Variants in FAM135B observed in about 807,000 individuals in gnomAD.
FAM135B encodes the protein family with sequence similarity 135 member B, also known as protein FAM135B.
A neutral mutation model predicts 127.7 loss-of-function variants in FAM135B; 43 were observed. The observed-to-expected ratio is 0.34, with a 90% CI of 0.26 to 0.43. FAM135B has a LOEUF of 0.43. Ranked by LOEUF, FAM135B falls within the 20% of genes least tolerant of loss-of-function variation. The pLI, the probability that FAM135B is intolerant of heterozygous loss-of-function variation, is 1.00. For synonymous variants in FAM135B, 670 were observed against 665.1 expected (o/e 1.01, Z -0.11); for missense variants, 1,558 against 1,725.6 (o/e 0.90, Z 1.72).
At chr8:138,329,221 G>A (rs879643650) in intron 2 of FAM135B, among the ~76,000 whole-genome samples, 5 of 152,152 alleles carry the variant, frequency 3.3e-5, no homozygotes, top group Non-Finnish European at 7.3e-5. Context: ...TGGAGAGAGA[G>A]AGACGATAGA....
rs543824232 is a variant in FAM135B at position 138,197,614 on chromosome 8, C to T, written c.725G>A (p.Arg242Gln). ...GTGGAGGAGCAACAGGCACAGGTCT[C>T]GGTGCCACTTGTGTGCGTGCTGCAT... ...NCMQHAHKWH[R>Q]DLCLLLLHAY... is the part of the protein sequence containing the mutation. The change falls in exon 8 of 20, where the codon CGA becomes CAA. Residue 242 changes from arginine (R) to glutamine (Q), a missense_variant. Arg to Gln is a conservative substitution (Grantham distance 43). Transcript: ENST00000395297. 19 of 1,614,160 alleles carry T rather than the reference C, an allele frequency of 1.2e-5. 1 individual carries two copies. The South Asian group carries it at 1.8e-4, about 15-fold the overall frequency.
chr8:138,182,350 G>T (rs913036661), intron 9 of FAM135B, among the ~76,000 whole-genome samples: 3 of 152,164 alleles, frequency 2.0e-5, no homozygotes, highest in African/African-American at 7.2e-5. Context: ...GACCGAGGAG[G>T]CCCTTTACAC....
chr8:138,251,085 A>T (rs4909765), intron 5 of FAM135B, 71 bp from the exon 6 acceptor site: 495,234 of 1,566,902 alleles, frequency 0.32, 82,438 homozygotes, highest in East Asian at 0.62. Flanking sequence ...GCATGTCTGT[A>T]TTAAGCCTCT....
rs149326850 is a variant in FAM135B, at chr8:138,148,939, T to C, written c.3282-253A>G. The C allele has an allele frequency of 4.6e-3, 611 of 133,060 alleles. 4 individuals are homozygous for C. The highest frequency in any genetic ancestry group is 0.018 in the African/African-American group (581 of 33,106). The allele number at this position is 133,060 out of a possible 1,614,324, so 8.2% of individuals were successfully genotyped here. On this transcript the variant is annotated intron_variant, in intron 13 of 19. Coordinates refer to ENST00000395297, the MANE Select transcript of FAM135B (RefSeq NM_015912.4). ...GGTGGGAATTGAACAATGAGAACAC[T>C]TGGACACAGGAAGGGGAACATCGCA...
intron 19 of FAM135B, among the ~76,000 whole-genome samples, chr8:138,135,457 T>A (rs1816570403): frequency 6.6e-6 from 1 of 152,028 alleles, no homozygotes; most frequent in South Asian, 2.1e-4. Context: ...AAAATATACA[T>A]AAAAAAGCAT....
intron 2 of FAM135B, among the ~76,000 whole-genome samples, chr8:138,311,858 T>C (rs536642617): frequency 2.0e-5 from 3 of 152,280 alleles, no homozygotes; most frequent in African/African-American, 7.2e-5. Context: ...TGGCGCTGGA[T>C]TCATAGCTGC....
chr8:138,182,598 T>C (rs1235487988), intron 9 of FAM135B, among the ~76,000 whole-genome samples: 2 of 152,208 alleles, frequency 1.3e-5, no homozygotes, highest in Non-Finnish European at 2.9e-5. Context: ...TATGATCGTG[T>C]TATAGCTATT....
intron 3 of FAM135B, among the ~76,000 whole-genome samples, chr8:138,283,557 C>T (rs986225436): frequency 4.6e-5 from 7 of 152,052 alleles, no homozygotes; most frequent in African/African-American, 1.7e-4. Context: ...CATATTTGTG[C>T]AAACCCACAG....
At chr8:138,192,584 AGATTGATAAACTCGCTCATCTGGTCTTG>A (rs56059565) in intron 9 of FAM135B, among the ~76,000 whole-genome samples, 75,319 of 151,946 alleles carry the variant, frequency 0.5, 18,861 homozygotes, top group Non-Finnish European at 0.52. Flanking sequence ...GGTATCACCC[AGATTGATAAACTCGCTCATCTGGTCTTG>A]TGGCCCTCAC....
intron 1 of FAM135B, among the ~76,000 whole-genome samples, chr8:138,481,073 A>G (rs1233800996): frequency 6.6e-6 from 1 of 152,206 alleles, no homozygotes; most frequent in African/African-American, 2.4e-5. Context: ...TCTCCCTGTT[A>G]AAAGAATTTA....
intron 1 of FAM135B, among the ~76,000 whole-genome samples, chr8:138,373,433 C>T (rs1037188029): frequency 2.0e-5 from 3 of 150,470 alleles, no homozygotes; most frequent in Admixed American, 6.7e-5. Context: ...CCTGTCATCT[C>T]GTAAGCCGAG....
intron 1 of FAM135B, chr8:138,438,493 A>G (rs981291474): frequency 1.3e-5 from 2 of 152,232 alleles, no homozygotes; most frequent in African/African-American, 4.8e-5. Flanking sequence ...TATCAAAGAA[A>G]AAAACAGAGC....
intron 2 of FAM135B, among the ~76,000 whole-genome samples, chr8:138,324,280 C>G (rs1241279328): frequency 6.6e-6 from 1 of 152,216 alleles, no homozygotes; most frequent in Admixed American, 6.5e-5. Context: ...CCTGCAGTCA[C>G]ATGACTCCTA....
chr8:138,486,355 G>A (rs972995146), intron 1 of FAM135B, among the ~76,000 whole-genome samples: 6 of 152,096 alleles, frequency 3.9e-5, no homozygotes, highest in Non-Finnish European at 7.4e-5. Context: ...GAGCCCTGGG[G>A]AATGTGTGTG....
intron 1 of FAM135B, among the ~76,000 whole-genome samples, chr8:138,462,002 C>T (rs998596495): frequency 6.6e-6 from 1 of 151,714 alleles, no homozygotes; most frequent in African/African-American, 2.4e-5. Context: ...ACTCTATGAC[C>T]AGCTGAATCA....
At position 138,309,858 on chromosome 8, in the gene FAM135B, C is replaced by CTTTTTTTTTTTT. The variant is rs145453026; in HGVS notation, c.157+971_157+982dup. ...CTACCCTACTCTTTAAGTCTTTCTA[C>CTTTTTTTTTTTT]TTTTTTTTTTTTTTTTTTTTTTTTG... On this transcript the variant is annotated intron_variant, in intron 3 of 19. Coordinates refer to ENST00000395297, the MANE Select transcript of FAM135B (RefSeq NM_015912.4). 1.5e-4 allele frequency among the ~76,000 whole-genome samples: 13 copies of CTTTTTTTTTTTT among 86,756 alleles called. 1 individual carries two copies. The highest frequency in any genetic ancestry group is 6.8e-4 in the East Asian group (2 of 2,936). 56.9% of individuals were successfully genotyped at this position (86,756 alleles called of 152,430 possible). A position where few individuals can be genotyped will look rare whatever the true frequency, so the allele number is the denominator to read the frequency against.
intron 12 of FAM135B, among the ~76,000 whole-genome samples, chr8:138,154,453 G>C (rs1818500064): frequency 6.6e-6 from 1 of 152,186 alleles, no homozygotes; most frequent in African/African-American, 2.4e-5. Context: ...TTGAGGAGTT[G>C]ACGGAAGTAC....
At chr8:138,445,516 T>C (rs978479563) in intron 1 of FAM135B, among the ~76,000 whole-genome samples, 31 of 152,284 alleles carry the variant, frequency 2.0e-4, no homozygotes, top group African/African-American at 5.1e-4. Flanking sequence ...AATCCATAAA[T>C]GTAATCTAGC....
chr8:138,289,026 A>C (rs1824904483), intron 3 of FAM135B, among the ~76,000 whole-genome samples: 1 of 152,126 alleles, frequency 6.6e-6, no homozygotes, highest in African/African-American at 2.4e-5. Context: ...AACACAATGT[A>C]TTTGCTTTTC....
Sources: gnomAD v4.1 joint callset for allele counts (sites outside exome capture counted in the v4.1 genomes callset) on GRCh38, gnomAD v4.1.1 for gene constraint, MANE v1.5 for transcripts, NCBI Gene and HGNC (gene_info 2026-07-23, HGNC 2026-07-21) for gene names.